Variants in KIF13A observed in about 807,000 individuals in gnomAD.
KIF13A encodes the protein kinesin-like protein KIF13A.
Under a neutral mutation model 212.2 loss-of-function variants are expected in KIF13A, and 79 were observed. The ratio of observed to expected loss-of-function variants is 0.37; its 90% confidence interval spans 0.31 to 0.45. The LOEUF (loss-of-function observed/expected upper bound fraction) is 0.45, where lower values mean the gene tolerates loss of function less well. KIF13A is among the 20% of genes least tolerant of loss of function. The pLI, the probability that KIF13A is intolerant of heterozygous loss-of-function variation, is 1.00. For synonymous variants in KIF13A, 789 were observed against 808.6 expected (o/e 0.98, Z 0.41); for missense variants, 1,901 against 2,209.0 (o/e 0.86, Z 2.79).
chr6:17,962,337 T>C (rs529946443), intron 2 of KIF13A, among the ~76,000 whole-genome samples: 2 of 150,188 alleles, frequency 1.3e-5, no homozygotes, highest in Admixed American at 1.3e-4. Flanking sequence ...AAAAACATGG[T>C]AATAAATTGA....
In KIF13A at chr6:17,776,441, T is replaced by C. The variant is rs1759990156; in HGVS notation, c.4170+836A>G. Among the ~76,000 whole-genome samples the C allele has an allele frequency of 6.6e-6, 1 of 152,240 alleles. No homozygotes were observed. The highest frequency in any genetic ancestry group is 2.4e-5 in the African/African-American group (1 of 41,450). On this transcript the variant is annotated intron_variant, in intron 34 of 38. Coordinates refer to ENST00000259711, the MANE Select transcript of KIF13A (RefSeq NM_022113.6). The surrounding 1 kb of genome is among the most constrained non-coding windows in gnomAD (Gnocchi z 4.6). Reference sequence around the variant, plus strand: ...CTAATTTCCATCATAATTTCTTCTTTGAGAAATGAGTTCATGAAAAGCGTT... The same window carrying C: ...CTAATTTCCATCATAATTTCTTCTTCGAGAAATGAGTTCATGAAAAGCGTT...
chr6:17,961,410 A>C lies in KIF13A; in HGVS notation c.146+25644T>G, dbSNP rs939882661. Among the ~76,000 whole-genome samples the C allele has an allele frequency of 6.6e-6, 1 of 152,232 alleles. No homozygotes were observed. The highest frequency in any genetic ancestry group is 6.5e-5 in the Admixed American group (1 of 15,292). On this transcript the variant is annotated intron_variant, in intron 2 of 38. Transcript: ENST00000259711. This position sits in a 1 kb window ranked among gnomAD's most constrained non-coding sequence, Gnocchi z 4.1. Reference sequence around the variant, plus strand: ...GAAAGGGACCTAAAACCACCCCAAAATTGGCCCAACAAGCACCAAGCATAT... The same window carrying C: ...GAAAGGGACCTAAAACCACCCCAAACTTGGCCCAACAAGCACCAAGCATAT...
At chr6:17,925,366 A>G (rs1775413674) in intron 2 of KIF13A, among the ~76,000 whole-genome samples, 1 of 152,206 alleles carries the variant, frequency 6.6e-6, no homozygotes, top group African/African-American at 2.4e-5. Flanking sequence ...CTGTGGGAAG[A>G]GCTGATTTGG....
At position 17,951,039 on chromosome 6, in the gene KIF13A, C is replaced by T; in HGVS notation, c.146+36015G>A. The T allele has an allele frequency of 9.7e-7, 1 of 1,028,660 alleles. No homozygotes were observed. The allele number at this position is 1,028,660 out of a possible 1,614,324, so 63.7% of individuals were successfully genotyped here. On this transcript the variant is annotated intron_variant, in intron 2 of 38. Coordinates refer to ENST00000259711, the MANE Select transcript of KIF13A (RefSeq NM_022113.6). This position sits in a 1 kb window ranked among gnomAD's most constrained non-coding sequence, Gnocchi z 4.9. The stretch of plus-strand genomic sequence containing the variant: ...ACTAAATATATGGGCTATCACAAAC[C>T]CACTTTAGTAGTACACCTAAGGACA...
Position 17,856,051 on chromosome 6 carries a change from T to C in KIF13A, c.292A>G (p.Ile98Val), listed in dbSNP as rs777206426. 1.2e-6 allele frequency: 2 copies of C among 1,613,102 alleles called. No homozygotes were observed. The highest frequency in any genetic ancestry group is 1.7e-6 in the Non-Finnish European group (2 of 1,179,270). The change falls in exon 5 of 39, where the codon ATT becomes GTT. Residue 98 changes from isoleucine (I) to valine (V), a missense_variant. Ile to Val is a conservative substitution (Grantham distance 29). This residue lies in a region of KIF13A where 506 missense variants were observed against 637.4 expected (regional missense o/e 0.79). Coordinates refer to ENST00000259711, the MANE Select transcript of KIF13A (RefSeq NM_022113.6). The surrounding 1 kb of genome is among the most constrained non-coding windows in gnomAD (Gnocchi z 4.5). ...EKAFQGYNACIFAYGQTGSGK... is the reference protein window; with the variant it reads ...EKAFQGYNACVFAYGQTGSGK... ...TTACCTGTCTGTCCATATGCAAAAA[T>C]ACACGCATTATACCCCTGAAAGGCT...
chr6:17,782,336 T>C (rs145475236), intron 29 of KIF13A, among the ~76,000 whole-genome samples: 1 of 152,254 alleles, frequency 6.6e-6, no homozygotes, highest in East Asian at 1.9e-4. Flanking sequence ...TACAAATATA[T>C]TCATTAAACA....
intron 3 of KIF13A, 52 bp from the exon 4 acceptor site, chr6:17,873,489 G>T: frequency 8.0e-7 from 1 of 1,248,236 alleles, no homozygotes; most frequent in Non-Finnish European, 1.1e-6. Context: ...CTTCTTATGA[G>T]TAAATCAGAC....
chr6:17,896,554 C>T (rs1581666842), intron 3 of KIF13A, among the ~76,000 whole-genome samples: 1 of 152,070 alleles, frequency 6.6e-6, no homozygotes, highest in Non-Finnish European at 1.5e-5. Context: ...TTTATGCTTT[C>T]CAGATGTGCC....
Position 17,785,767 on chromosome 6 carries a change from T to C in KIF13A, c.3362-126A>G. The stretch of plus-strand genomic sequence containing the variant: ...ATCTCTACCAAAAAAAAAAAAATAG[T>C]TGGGCAGGGTGGTGGTACGCATGCC... On this transcript the variant is annotated intron_variant, in intron 27 of 38. Coordinates refer to ENST00000259711, the MANE Select transcript of KIF13A (RefSeq NM_022113.6). The surrounding 1 kb of genome is among the most constrained non-coding windows in gnomAD (Gnocchi z 5.8). 1.1e-6 allele frequency: 1 copy of C among 898,756 alleles called. No homozygotes were observed. The highest frequency in any genetic ancestry group is 1.7e-5 in the African/African-American group (1 of 58,496). The allele number at this position is 898,756 out of a possible 1,614,324, so 55.7% of individuals were successfully genotyped here.
At position 17,763,985 on chromosome 6, in the gene KIF13A, G is replaced by T. The variant is rs1249731929; in HGVS notation, c.*125C>A. 1 of 1,453,544 alleles carries T rather than the reference G, an allele frequency of 6.9e-7. No homozygotes were observed. The highest frequency in any genetic ancestry group is 9.1e-7 in the Non-Finnish European group (1 of 1,102,962). The allele number at this position is 1,453,544 out of a possible 1,614,324, so 90.0% of individuals were successfully genotyped here. On this transcript the variant is annotated 3_prime_UTR_variant, in exon 39 of 39. Transcript: ENST00000259711. ...ACAGACTTGCTCTCCGACAGAGACA[G>T]CTGTGCAGGAAGTGAGCCTGCTTCT...
intron 30 of KIF13A, 90 bp downstream of exon 30, chr6:17,781,087 C>G: frequency 6.5e-7 from 1 of 1,537,530 alleles, no homozygotes; most frequent in East Asian, 2.2e-5. Flanking sequence ...GTCTTTTTCC[C>G]CAAAGCAAAC....
chr6:17,962,135 AC>A (rs985308265), intron 2 of KIF13A, among the ~76,000 whole-genome samples: 6 of 152,100 alleles, frequency 3.9e-5, no homozygotes, highest in African/African-American at 1.4e-4. Flanking sequence ...ACATGGTGAA[AC>A]CCCATCTCTA....
At position 17,926,720 on chromosome 6, in the gene KIF13A, G is replaced by GAGA. The variant is rs1286584427; in HGVS notation, c.147-28543_147-28541dup. Among the ~76,000 whole-genome samples the GAGA allele has an allele frequency of 6.6e-6, 1 of 152,138 alleles. No individual in the cohort carries two copies. The highest frequency in any genetic ancestry group is 1.5e-5 in the Non-Finnish European group (1 of 68,040). Reference sequence around the variant, plus strand: ...TTATAATCTCAGAGTGTAATAAGTGGAGAATGTTTAAGTATATTAGGATAT... The same window carrying GAGA: ...TTATAATCTCAGAGTGTAATAAGTGGAGAAGAATGTTTAAGTATATTAGGATAT... On this transcript the variant is annotated intron_variant, in intron 2 of 38. Coordinates refer to ENST00000259711, the MANE Select transcript of KIF13A (RefSeq NM_022113.6). The surrounding 1 kb of genome is among the most constrained non-coding windows in gnomAD (Gnocchi z 4.3).
At chr6:17,775,848 T>TA (rs1347054099) in intron 34 of KIF13A, among the ~76,000 whole-genome samples, 1 of 151,966 alleles carries the variant, frequency 6.6e-6, no homozygotes. Flanking sequence ...TTGAAAAAAA[T>TA]ATTTTTTTTT....
In KIF13A at chr6:17,799,453, C is replaced by T; in HGVS notation, c.2617-14G>A. On this transcript the variant is annotated splice_polypyrimidine_tract_variant and intron_variant, in intron 21 of 38. Transcript: ENST00000259711. This position sits in a 1 kb window ranked among gnomAD's most constrained non-coding sequence, Gnocchi z 4.4. ...TTTAATTTTTACCTGAAGAGATAAA[C>T]AATACAAATAAAACTCCAATGAACA... 2 of 1,501,610 alleles carry T rather than the reference C, an allele frequency of 1.3e-6. No individual in the cohort carries two copies. Among genetic ancestry groups the T allele is most frequent in the Non-Finnish European group, 1.8e-6 (2 of 1,120,204 alleles). 93.0% of individuals were successfully genotyped at this position (1,501,610 alleles called of 1,614,324 possible). A position where few individuals can be genotyped will look rare whatever the true frequency, so the allele number is the denominator to read the frequency against.
chr6:17,854,546 ATTTTTTTTTTTTTTTT>A (rs36073765), intron 6 of KIF13A, among the ~76,000 whole-genome samples: 2 of 77,094 alleles, frequency 2.6e-5, no homozygotes, highest in Non-Finnish European at 4.5e-5. Flanking sequence ...AATCAGTATA[ATTTTTTTTTTTTTTTT>A]TTTTTTTTTT....
At position 17,771,776 on chromosome 6, in the gene KIF13A, C is replaced by T. The variant is rs942946254; in HGVS notation, c.4476+132G>A. 1.3e-4 allele frequency: 98 copies of T among 759,306 alleles called. No homozygotes were observed. Among genetic ancestry groups the T allele is most frequent in the Middle Eastern group, 3.1e-4 (1 of 3,260 alleles). The allele number at this position is 759,306 out of a possible 1,614,324, so 47.0% of individuals were successfully genotyped here. Reference sequence around the variant, plus strand: ...TCTGCATGCTTGAGAAAGAGGAATTCGAGAACGGGAACCATGGAGTGATGA... The same window carrying T: ...TCTGCATGCTTGAGAAAGAGGAATTTGAGAACGGGAACCATGGAGTGATGA... On this transcript the variant is annotated intron_variant, in intron 37 of 38. Transcript: ENST00000259711. This position sits in a 1 kb window ranked among gnomAD's most constrained non-coding sequence, Gnocchi z 5.4.
chr6:17,868,190 C>T (rs1311097244), intron 4 of KIF13A, among the ~76,000 whole-genome samples: 1 of 152,228 alleles, frequency 6.6e-6, no homozygotes, highest in Non-Finnish European at 1.5e-5. Flanking sequence ...TCCACACTGA[C>T]CCCAGATATG....
At chr6:17,908,663 A>G (rs1356299332) in intron 2 of KIF13A, among the ~76,000 whole-genome samples, 2 of 151,836 alleles carry the variant, frequency 1.3e-5, no homozygotes, top group Non-Finnish European at 1.5e-5. Context: ...GCTAATCCTG[A>G]TATGCCTTCT....
Sources: gnomAD v4.1 joint callset for allele counts (sites outside exome capture counted in the v4.1 genomes callset) on GRCh38, gnomAD v4.1.1 for gene constraint, gnomAD v4.1.1 regional missense constraint, Gnocchi (gnomAD v3.1) non-coding constraint, MANE v1.5 for transcripts, NCBI Gene and HGNC (gene_info 2026-07-23, HGNC 2026-07-21) for gene names.